ARHGAP8: variants seen among roughly 807,000 people sequenced by gnomAD.
ARHGAP8 encodes the protein Rho GTPase activating protein 8.
A neutral mutation model predicts 46.1 loss-of-function variants in ARHGAP8; 62 were observed. The ratio of observed to expected loss-of-function variants is 1.34; its 90% confidence interval spans 1.10 to 1.66. ARHGAP8 has a LOEUF of 1.66. Ranked by LOEUF, ARHGAP8 falls within the 40% of genes most tolerant of loss-of-function variation. The pLI, the probability that ARHGAP8 is intolerant of heterozygous loss-of-function variation, is 0.00. For missense variants in ARHGAP8, 923 were observed against 568.4 expected, an observed-to-expected ratio of 1.62 and a Z score of -6.34; for synonymous variants, 375 against 243.1, an observed-to-expected ratio of 1.54 and a Z score of -5.05.
intron 3 of ARHGAP8, among the ~76,000 whole-genome samples, chr22:44,804,647 C>T (rs1928809978): frequency 6.6e-6 from 1 of 152,178 alleles, no homozygotes; most frequent in Non-Finnish European, 1.5e-5. Flanking sequence ...CCTGCCACCA[C>T]TTCCAGATGC....
rs371527741 is a variant in ARHGAP8, at chr22:44,859,841, G to A, written c.981+7G>A. 1.9e-6 allele frequency: 3 copies of A among 1,612,676 alleles called. No homozygotes were observed. Among genetic ancestry groups the A allele is most frequent in the African/African-American group, 1.3e-5 (1 of 74,982 alleles). ...CATGGGCTTCCTGCATGCGGTGAGT[G>A]GGGAAGGGGGGAGCTTGGGGTGAAG... On this transcript the variant is annotated splice_region_variant and intron_variant, in intron 11 of 11. Transcript: ENST00000356099.
intron 5 of ARHGAP8, among the ~76,000 whole-genome samples, chr22:44,817,078 G>GT (rs1569160094): frequency 6.6e-6 from 1 of 152,040 alleles, no homozygotes; most frequent in Non-Finnish European, 1.5e-5. Context: ...TAGAGACGGG[G>GT]TTTCACCATG....
chr22:44,829,207 C>G (rs1409235204), intron 7 of ARHGAP8, among the ~76,000 whole-genome samples: 1 of 147,202 alleles, frequency 6.8e-6, no homozygotes, highest in African/African-American at 2.5e-5. Context: ...AGGAGAATTG[C>G]TTGAACCTGG....
chr22:44,832,969 A>G (rs1335124832), intron 7 of ARHGAP8, among the ~76,000 whole-genome samples: 1 of 123,842 alleles, frequency 8.1e-6, no homozygotes, highest in African/African-American at 2.8e-5. Context: ...TCTATTAAAA[A>G]CACACACACA....
At chr22:44,806,828 G>T (rs1602203544) in intron 3 of ARHGAP8, among the ~76,000 whole-genome samples, 1 of 151,984 alleles carries the variant, frequency 6.6e-6, no homozygotes, top group Non-Finnish European at 1.5e-5. Context: ...GCCGGGCGTG[G>T]TGGCAGGCGC....
intron 4 of ARHGAP8, chr22:44,809,273 C>T (rs759057828): frequency 3.0e-5 from 13 of 426,986 alleles, no homozygotes; most frequent in South Asian, 2.2e-4. Flanking sequence ...ATGAAATATT[C>T]TTCTGTTTTT....
chr22:44,763,231 T>C (rs1399236159), intron 1 of ARHGAP8, among the ~76,000 whole-genome samples: 1 of 151,976 alleles, frequency 6.6e-6, no homozygotes, highest in Non-Finnish European at 1.5e-5. Context: ...GTGTGGTGGC[T>C]CACACCTGTA....
chr22:44,797,823 C>T (rs28447328), intron 2 of ARHGAP8, among the ~76,000 whole-genome samples: 5,353 of 151,644 alleles, frequency 0.035, 319 homozygotes, highest in African/African-American at 0.12. Flanking sequence ...ATTTTTTTTT[C>T]AAGAGACAGG....
At chr22:44,805,535 T>C (rs2147086813) in intron 3 of ARHGAP8, among the ~76,000 whole-genome samples, 1 of 152,038 alleles carries the variant, frequency 6.6e-6, no homozygotes. Context: ...TATCCAAGAT[T>C]CCTTTACTAT....
At chr22:44,834,378 T>C (rs900398464) in intron 7 of ARHGAP8, among the ~76,000 whole-genome samples, 1 of 152,138 alleles carries the variant, frequency 6.6e-6, no homozygotes, top group African/African-American at 2.4e-5. Context: ...GTAATTTTTT[T>C]CTTTGATTCA....
chr22:44,822,274 G>T (rs2147116812), intron 5 of ARHGAP8, 97 bp from the exon 6 acceptor site: 1 of 976,630 alleles, frequency 1.0e-6, no homozygotes, highest in Non-Finnish European at 1.5e-6. Flanking sequence ...AAAAATGCCT[G>T]CATTGTTCTG....
intron 5 of ARHGAP8, among the ~76,000 whole-genome samples, chr22:44,821,994 C>G: frequency 6.6e-6 from 1 of 152,380 alleles, no homozygotes; most frequent in Non-Finnish European, 1.5e-5. Flanking sequence ...AGGCTTCAAC[C>G]TCAGAGCTGC....
intron 10 of ARHGAP8, among the ~76,000 whole-genome samples, chr22:44,853,232 T>C (rs2070140755): frequency 6.6e-6 from 1 of 152,148 alleles, no homozygotes. Flanking sequence ...GCAATTTAGA[T>C]GTCTTTGGTG....
intron 4 of ARHGAP8, chr22:44,809,202 C>A (rs903882632): frequency 2.1e-6 from 1 of 470,498 alleles, no homozygotes; most frequent in Admixed American, 2.4e-5. Context: ...CTCTGCTGGA[C>A]TGTGTTCCAG....
At chr22:44,847,925 C>T (rs560382306) in intron 8 of ARHGAP8, 48 bp from the exon 9 acceptor site, 3 of 1,600,964 alleles carry the variant, frequency 1.9e-6, no homozygotes, top group East Asian at 2.2e-5. Context: ...GTCCTGGAAG[C>T]CCTTTGGGCT....
intron 6 of ARHGAP8, among the ~76,000 whole-genome samples, chr22:44,824,690 T>C (rs1042847515): frequency 2.7e-5 from 4 of 149,300 alleles, no homozygotes; most frequent in Non-Finnish European, 4.4e-5. Flanking sequence ...TGGAGTGCAA[T>C]GGCGCAATCT....
intron 10 of ARHGAP8, among the ~76,000 whole-genome samples, chr22:44,859,306 G>C (rs112230972): frequency 6.6e-6 from 1 of 152,164 alleles, no homozygotes; most frequent in African/African-American, 2.4e-5. Flanking sequence ...TGCTGTCCTC[G>C]AGATAGTGAG....
chr22:44,859,203 A>C (rs924242728), intron 10 of ARHGAP8, among the ~76,000 whole-genome samples: 5 of 152,126 alleles, frequency 3.3e-5, no homozygotes, highest in Admixed American at 1.3e-4. Context: ...CTTGGATCTG[A>C]GTCCCCAGCG....
chr22:44,862,014 T>G (rs1045722236), intron 11 of ARHGAP8, among the ~76,000 whole-genome samples: 4 of 151,964 alleles, frequency 2.6e-5, no homozygotes, highest in African/African-American at 9.7e-5. Flanking sequence ...GAAGAGGAGA[T>G]AGTGGGGGGT....
Sources: allele counts gnomAD v4.1 joint callset (sites outside exome capture counted in the v4.1 genomes callset), GRCh38; gene constraint gnomAD v4.1.1; transcripts MANE v1.5; gene names NCBI Gene and HGNC (gene_info 2026-07-23, HGNC 2026-07-21).